The following DEPDC1 variants were observed in gnomAD, a reference collection of about 807,000 sequenced individuals.
DEPDC1 encodes DEP domain-containing protein 1A.
Under a neutral mutation model 86.8 loss-of-function variants are expected in DEPDC1, and 66 were observed. The ratio of observed to expected loss-of-function variants is 0.76; its 90% CI spans 0.62 to 0.93. The LOEUF (loss-of-function observed/expected upper bound fraction) is 0.93, where lower values mean the gene tolerates loss of function less well. DEPDC1 is among the 40% of genes least tolerant of loss of function. The pLI, the probability that DEPDC1 is intolerant of heterozygous loss-of-function variation, is 0.00. For missense variants in DEPDC1, 792 were observed against 935.7 expected (o/e 0.85, Z 2.00); for synonymous variants, 255 against 314.9 (o/e 0.81, Z 2.02).
In DEPDC1 at chr1:68,494,608, C is replaced by A. The variant is rs776724301; in HGVS notation, c.136G>T (p.Ala46Ser). 125 of 1,613,806 alleles carry A rather than the reference C, an allele frequency of 7.7e-5. 2 individuals carry two copies. The Middle Eastern group carries it at 8.3e-4, about 11-fold the overall frequency. Residue 46 changes from alanine (A) to serine (S), a missense_variant, in exon 2 of 12, where the codon GCA (alanine) becomes TCA (serine). Coordinates refer to ENST00000456315, the MANE Select transcript of DEPDC1 (RefSeq NM_001114120.3). ...TAAAGCCAATCCACTGCTTCTCCTG[C>A]TGTGAAACAATTGCCATATTTTTTA... ...HFKKYGNCFT[A>S]GEAVDWLYDL...
rs963851636 is a variant in DEPDC1 at position 68,496,684 on chromosome 1, G to C, written c.48+268C>G. ...GGGACGCCGGCCACACCAGGCACAGGAGTCGCTCCTCATAGCGAGTCTGGT... is the reference window on the plus strand; with the variant it reads ...GGGACGCCGGCCACACCAGGCACAGCAGTCGCTCCTCATAGCGAGTCTGGT... On this transcript the variant is annotated intron_variant, in intron 1 of 11. Coordinates refer to ENST00000456315, the MANE Select transcript of DEPDC1 (RefSeq NM_001114120.3). The surrounding 1 kb of genome is among the most constrained non-coding windows in gnomAD (Gnocchi z 4.0). 4.9e-6 allele frequency: 2 copies of C among 407,610 alleles called. No individual in the cohort carries two copies. Among genetic ancestry groups the C allele is most frequent in the Non-Finnish European group, 8.8e-6 (2 of 227,546 alleles). 25.2% of individuals were successfully genotyped at this position (407,610 alleles called of 1,614,324 possible).
At chr1:68,486,904 ACACAC>A in intron 6 of DEPDC1, 28 bp downstream of exon 6, 1 of 1,529,710 alleles carries the variant, frequency 6.5e-7, no homozygotes, top group South Asian at 1.3e-5. Context: ...ACACACACAC[ACACAC>A]ACACACACAC....
Position 68,477,781 on chromosome 1 carries a change from T to A in DEPDC1, c.2298+6A>T. 2 of 1,488,750 alleles carry A rather than the reference T, an allele frequency of 1.3e-6. No homozygotes were observed. Among genetic ancestry groups the A allele is most frequent in the East Asian group, 2.3e-5 (1 of 43,000 alleles). The allele number at this position is 1,488,750 out of a possible 1,614,324, so 92.2% of individuals were successfully genotyped here. On this transcript the variant is annotated splice_donor_region_variant and intron_variant, in intron 11 of 11. Transcript: ENST00000456315. ...TACATGATTGAGAACTTGCTCATTC[T>A]CTTACCTGTTTTAGTTTTTTTCTTT...
chr1:68,480,042 T>C (rs10493445), intron 9 of DEPDC1, among the ~76,000 whole-genome samples: 3,804 of 152,134 alleles, frequency 0.025, 164 homozygotes, highest in African/African-American at 0.088. Context: ...CTTCTATTCA[T>C]AAGTGGTTGC....
chr1:68,479,970 A>G (rs1478187192), intron 9 of DEPDC1, among the ~76,000 whole-genome samples: 2 of 152,040 alleles, frequency 1.3e-5, no homozygotes, highest in African/African-American at 4.8e-5. Flanking sequence ...AACAATAACT[A>G]ATTACATTAA....
At chr1:68,484,937 C>CATATATATATATATAT (rs71581173) in intron 6 of DEPDC1, among the ~76,000 whole-genome samples, 7 of 147,824 alleles carry the variant, frequency 4.7e-5, no homozygotes, top group Non-Finnish European at 7.5e-5. Flanking sequence ...CTTCTGGAGG[C>CATATATATATATATAT]ATATATATAT....
intron 2 of DEPDC1, among the ~76,000 whole-genome samples, chr1:68,493,797 C>A (rs910821522): frequency 2.0e-5 from 3 of 152,168 alleles, no homozygotes; most frequent in Admixed American, 6.5e-5. Context: ...CTCACTGCAA[C>A]CTCCACCTCC....
At chr1:68,485,291 AAT>A (rs1646186057) in intron 6 of DEPDC1, among the ~76,000 whole-genome samples, 6 of 151,992 alleles carry the variant, frequency 3.9e-5, no homozygotes, top group Admixed American at 2.0e-4. Context: ...TAAGACAGAA[AAT>A]ACATGTTTAC....
At position 68,477,968 on chromosome 1, in the gene DEPDC1, T is replaced by C. The variant is rs760703779; in HGVS notation, c.2117A>G (p.Glu706Gly). Residue 706 changes from glutamate to glycine, a missense_variant, in exon 11 of 12, where the codon GAA becomes GGA. Transcript: ENST00000456315. ...AGCAAATAGTCCATCTCCAGGATTT[T>C]CAATCTGTAGTGATCAAAATGATAT... ...HLDYLKKGHI[E>G]NPGDGLFAPL... The C allele has an allele frequency of 1.9e-6, 3 of 1,542,172 alleles. No homozygotes were observed. The highest frequency in any genetic ancestry group is 8.7e-7 in the Non-Finnish European group (1 of 1,145,666).
At chr1:68,485,050 G>A (rs1646184104) in intron 6 of DEPDC1, among the ~76,000 whole-genome samples, 1 of 151,564 alleles carries the variant, frequency 6.6e-6, no homozygotes, top group South Asian at 2.1e-4. Flanking sequence ...TATCTTTCAA[G>A]TTAAAATGTT....
rs757251812 is a variant in DEPDC1 at position 68,489,623 on chromosome 1, A to G, written c.315-15T>C. ...TTGCAGGAAATCTGGTTTAAAAACA[A>G]TAAGCAATTAAATAATGTGAGATTA... On this transcript the variant is annotated splice_polypyrimidine_tract_variant and intron_variant, in intron 2 of 11. Transcript: ENST00000456315. 21 of 1,519,204 alleles carry G rather than the reference A, an allele frequency of 1.4e-5. No homozygotes were observed. In the South Asian group the frequency reaches 2.0e-4, roughly 15 times the overall value. 94.1% of individuals were successfully genotyped at this position (1,519,204 alleles called of 1,614,324 possible).
chr1:68,479,100 T>C (rs1002858290), intron 10 of DEPDC1, 44 bp downstream of exon 10: 1 of 1,523,932 alleles, frequency 6.6e-7, no homozygotes. Flanking sequence ...GTTTGCCACT[T>C]GCAACTGACT....
chr1:68,477,709 G>A (rs1646126191), intron 11 of DEPDC1, 78 bp downstream of exon 11: 2 of 927,208 alleles, frequency 2.2e-6, no homozygotes, highest in Non-Finnish European at 3.1e-6. Context: ...TAAGAAAGTA[G>A]ATTCTAAATG....
intron 5 of DEPDC1, among the ~76,000 whole-genome samples, 187 bp from the exon 6 acceptor site, chr1:68,487,171 A>G (rs1646198537): frequency 6.6e-6 from 1 of 152,058 alleles, no homozygotes; most frequent in Admixed American, 6.6e-5. Context: ...GATCAAGTCA[A>G]TATTTTAAAA....
rs778543779 is a variant in DEPDC1, at chr1:68,484,039, T to A, written c.821A>T (p.Asp274Val). 3.2e-6 allele frequency: 5 copies of A among 1,586,220 alleles called. No individual in the cohort carries two copies. The East Asian group carries it at 9.1e-5, about 29-fold the overall frequency. ...NNPTYVGFER[D>V]VFRTIADYFL... ...ATAATCTGCGATTGTTCTGAATACA[T>A]CTCGTTCAAATCCAACATAAGTTGG... is the stretch of plus-strand genomic sequence containing the variant. Residue 274 changes from aspartate (D) to valine (V), a missense_variant, in exon 7 of 12, where the codon GAT becomes GTT. Physicochemically the swap from Asp to Val is radical, Grantham distance 152. Coordinates refer to ENST00000456315, the MANE Select transcript of DEPDC1 (RefSeq NM_001114120.3).
Position 68,476,734 on chromosome 1 carries a change from T to G in DEPDC1, c.*198A>C. 2.1e-6 allele frequency: 1 copy of G among 468,544 alleles called. No homozygotes were observed. The highest frequency in any genetic ancestry group is 3.7e-6 in the Non-Finnish European group (1 of 267,276). The allele number at this position is 468,544 out of a possible 1,614,324, so 29.0% of individuals were successfully genotyped here. A position where few individuals can be genotyped will look rare whatever the true frequency, so the allele number is the denominator to read the frequency against. On this transcript the variant is annotated 3_prime_UTR_variant, in exon 12 of 12. Coordinates refer to ENST00000456315, the MANE Select transcript of DEPDC1 (RefSeq NM_001114120.3). ...AACAAAAAGTATTTGGTATCATCTA[T>G]TGTTATGTGCTCTCAATTGAGATCT...
intron 6 of DEPDC1, among the ~76,000 whole-genome samples, chr1:68,484,999 T>C (rs1385909208): frequency 1.3e-5 from 2 of 151,688 alleles, no homozygotes; most frequent in East Asian, 1.9e-4. Flanking sequence ...AGAGTCTCTT[T>C]AGTGACTGTG....
In DEPDC1 at chr1:68,475,002, G is replaced by A. The variant is rs531419092; in HGVS notation, c.*1930C>T. Reference sequence around the variant, plus strand: ...AGGTGATTCTAGTAAAATATTTATAGAGTGCTTATTCTATGTGAGACACTG... The same window carrying A: ...AGGTGATTCTAGTAAAATATTTATAAAGTGCTTATTCTATGTGAGACACTG... On this transcript the variant is annotated 3_prime_UTR_variant, in exon 12 of 12. Transcript: ENST00000456315. 3 of 152,132 alleles carry A rather than the reference G, an allele frequency of 2.0e-5. No individual in the cohort carries two copies. The South Asian group carries it at 6.2e-4, about 32-fold the overall frequency. 9.4% of individuals were successfully genotyped at this position (152,132 alleles called of 1,614,324 possible).
At chr1:68,494,990 A>C (rs1464728953) in intron 1 of DEPDC1, among the ~76,000 whole-genome samples, 5 of 152,142 alleles carry the variant, frequency 3.3e-5, no homozygotes, top group Admixed American at 2.6e-4. Context: ...TAAAAATACA[A>C]AATTAGCTGG....
Sources: gnomAD v4.1 joint callset for allele counts (sites outside exome capture counted in the v4.1 genomes callset) on GRCh38, gnomAD v4.1.1 for gene constraint, Gnocchi (gnomAD v3.1) non-coding constraint, MANE v1.5 for transcripts, NCBI Gene and HGNC (gene_info 2026-07-23, HGNC 2026-07-21) for gene names.